GRM7: variants seen among roughly 807,000 people sequenced by gnomAD.
GRM7 encodes the protein glutamate metabotropic receptor 7, also known as metabotropic glutamate receptor 7.
GRM7 carries 35 observed loss-of-function variants against 84.5 expected under a neutral mutation model. The ratio of observed to expected loss-of-function variants is 0.41; its 90% CI spans 0.32 to 0.55. GRM7 has a LOEUF of 0.55. Among genes scored for constraint, GRM7 ranks in the 20% least tolerant of loss-of-function variants. GRM7 has a pLI of 0.19. For synonymous variants in GRM7, 487 were observed against 455.1 expected (o/e 1.07, Z -0.89); for missense variants, 1,003 against 1,194.6 (o/e 0.84, Z 2.36).
intron 1 of GRM7, among the ~76,000 whole-genome samples, chr3:6,914,025 C>T (rs1696861302): frequency 6.6e-6 from 1 of 152,176 alleles, no homozygotes; most frequent in Non-Finnish European, 1.5e-5. Flanking sequence ...ATCCATTCAC[C>T]TGAACTACAT....
chr3:6,901,416 G>A (rs1198616868), intron 1 of GRM7, among the ~76,000 whole-genome samples: 3 of 151,812 alleles, frequency 2.0e-5, no homozygotes, highest in Non-Finnish European at 2.9e-5. Flanking sequence ...TGGCCAACAC[G>A]GTGAAACCCC....
chr3:6,884,496 AC>A (rs1695621175), intron 1 of GRM7, among the ~76,000 whole-genome samples: 1 of 152,332 alleles, frequency 6.6e-6, no homozygotes, highest in Admixed American at 6.5e-5. Flanking sequence ...GTTATAAAAA[AC>A]ATCACCATTT....
intron 4 of GRM7, among the ~76,000 whole-genome samples, chr3:7,327,918 A>G (rs777813701): frequency 6.6e-6 from 1 of 152,232 alleles, no homozygotes; most frequent in East Asian, 1.9e-4. Context: ...TGTAAGTCCT[A>G]CAGAAAACTT....
chr3:7,134,191 C>T (rs9880404), intron 1 of GRM7, among the ~76,000 whole-genome samples: 42,999 of 151,898 alleles, frequency 0.28, 6,310 homozygotes, highest in African/African-American at 0.35. Context: ...GGTAGAGAAA[C>T]AGTCCTGAGG....
intron 1 of GRM7, among the ~76,000 whole-genome samples, chr3:7,083,191 C>T (rs1256473184): frequency 6.6e-6 from 1 of 152,044 alleles, no homozygotes; most frequent in African/African-American, 2.4e-5. Flanking sequence ...TTTAGGAAAC[C>T]AGCACTACCA....
chr3:7,055,154 C>A (rs1003639454), intron 1 of GRM7, among the ~76,000 whole-genome samples: 33 of 151,862 alleles, frequency 2.2e-4, no homozygotes, highest in Non-Finnish European at 2.8e-4. Context: ...TTCTAGCGTT[C>A]TAGTTAATGT....
At chr3:7,477,113 A>G (rs1698951464) in intron 7 of GRM7, among the ~76,000 whole-genome samples, 1 of 152,186 alleles carries the variant, frequency 6.6e-6, no homozygotes, top group African/African-American at 2.4e-5. Flanking sequence ...AAAAACTTGA[A>G]TCTCTTATTT....
At chr3:7,064,495 T>C (rs1322122769) in intron 1 of GRM7, among the ~76,000 whole-genome samples, 1 of 103,446 alleles carries the variant, frequency 9.7e-6, no homozygotes, top group Admixed American at 1.0e-4. Context: ...CATATACATA[T>C]ATATATACAC....
Position 7,242,077 on chromosome 3 carries a change from T to C in GRM7, c.737-56607T>C, listed in dbSNP as rs182392086. 2.2e-4 allele frequency among the ~76,000 whole-genome samples: 33 copies of C among 152,294 alleles called. 1 individual carries two copies. The highest frequency in any genetic ancestry group is 1.3e-3 in the Admixed American group (20 of 15,282). ...AGTCACTGTTAACCACCAACTGAGG[T>C]GTTAACTTATAACCCCTTTTTGTGC... On this transcript the variant is annotated intron_variant, in intron 2 of 9. Transcript: ENST00000357716.
chr3:7,669,723 C>T (rs1479017863), intron 8 of GRM7, among the ~76,000 whole-genome samples: 4 of 152,116 alleles, frequency 2.6e-5, no homozygotes, highest in African/African-American at 9.7e-5. Flanking sequence ...ACCTTGGTAA[C>T]AAGAGGAAAG....
At chr3:7,329,464 T>A (rs17698091) in intron 4 of GRM7, among the ~76,000 whole-genome samples, 3 of 151,940 alleles carry the variant, frequency 2.0e-5, no homozygotes, top group East Asian at 1.9e-4. Context: ...TGAATGGGTA[T>A]GTGGAGCTGC....
At chr3:6,973,215 G>T (rs896636794) in intron 1 of GRM7, among the ~76,000 whole-genome samples, 4 of 151,682 alleles carry the variant, frequency 2.6e-5, no homozygotes, top group Non-Finnish European at 4.4e-5. Context: ...ATTATTATCA[G>T]CATCATCATC....
At chr3:7,400,037 A>G (rs560860070) in intron 4 of GRM7, among the ~76,000 whole-genome samples, 1 of 152,332 alleles carries the variant, frequency 6.6e-6, no homozygotes, top group Non-Finnish European at 1.5e-5. Context: ...TAGAACCTAG[A>G]AATCGTTAAG....
intron 8 of GRM7, among the ~76,000 whole-genome samples, chr3:7,669,569 A>G (rs1027537314): frequency 2.0e-5 from 3 of 152,204 alleles, no homozygotes; most frequent in African/African-American, 7.2e-5. Context: ...TGAGACCTAG[A>G]AGAATCCTGC....
At chr3:7,556,366 A>G (rs2125031212) in intron 7 of GRM7, among the ~76,000 whole-genome samples, 1 of 152,150 alleles carries the variant, frequency 6.6e-6, no homozygotes, top group African/African-American at 2.4e-5. Context: ...TGTTTTCATC[A>G]TTTTCACCTC....
intron 2 of GRM7, among the ~76,000 whole-genome samples, chr3:7,298,369 C>A (rs1699883327): frequency 6.6e-6 from 1 of 152,080 alleles, no homozygotes; most frequent in African/African-American, 2.4e-5. Flanking sequence ...TTTTAAAAAC[C>A]TTCTTCAACC....
intron 7 of GRM7, among the ~76,000 whole-genome samples, chr3:7,525,011 A>G (rs978005075): frequency 2.0e-5 from 3 of 150,718 alleles, no homozygotes; most frequent in African/African-American, 7.4e-5. Flanking sequence ...AAACTATCAC[A>G]AGAACAAAAA....
chr3:7,101,876 A>T (rs1173691957), intron 1 of GRM7, among the ~76,000 whole-genome samples: 1 of 150,416 alleles, frequency 6.6e-6, no homozygotes, highest in Non-Finnish European at 1.5e-5. Flanking sequence ...GCTTCCAAAG[A>T]TGACAATTGG....
intron 1 of GRM7, among the ~76,000 whole-genome samples, chr3:6,926,049 A>G (rs1256116374): frequency 1.3e-5 from 2 of 152,188 alleles, no homozygotes; most frequent in Non-Finnish European, 2.9e-5. Flanking sequence ...CATCTGAGAA[A>G]GAGGGACCCC....
Sources: allele counts gnomAD v4.1 joint callset (sites outside exome capture counted in the v4.1 genomes callset), GRCh38; gene constraint gnomAD v4.1.1; transcripts MANE v1.5; gene names NCBI Gene and HGNC (gene_info 2026-07-23, HGNC 2026-07-21).